LY96: variants seen among roughly 807,000 people sequenced by gnomAD.
The protein encoded by LY96 is myeloid differentiation protein-2.
In LY96, 18 loss-of-function variants were observed where a neutral mutation model predicts 18.9. The observed-to-expected ratio is 0.95, with a 90% CI of 0.66 to 1.41. The LOEUF (loss-of-function observed/expected upper bound fraction) is 1.41, where lower values mean the gene tolerates loss of function less well. Among genes scored for constraint, LY96 ranks in the 40% most tolerant of loss-of-function variants. The probability of loss-of-function intolerance (pLI) is 0.00; values close to 1 mark genes in which losing one functional copy is unlikely to be tolerated. For missense variants in LY96, 175 were observed against 182.4 expected, an observed-to-expected ratio of 0.96 and a Z score of 0.23; for synonymous variants, 66 against 62.6, an observed-to-expected ratio of 1.06 and a Z score of -0.26.
chr8:74,028,805 C>T (rs1816920029), intron 4 of LY96, 151 bp from the exon 5 acceptor site: 3 of 531,766 alleles, frequency 5.6e-6, no homozygotes, highest in Admixed American at 3.4e-5. Flanking sequence ...TCATTTAATT[C>T]AAAGACATGG....
the LY96 span, among the ~76,000 whole-genome samples, chr8:74,053,771 T>C: frequency 5.3e-5 from 8 of 152,280 alleles, no homozygotes; most frequent in South Asian, 1.7e-3. Context: ...GAATTCATAG[T>C]TTGATTGGAG....
chr8:74,079,235 C>T, the LY96 span, among the ~76,000 whole-genome samples: 1 of 152,206 alleles, frequency 6.6e-6, no homozygotes, highest in Non-Finnish European at 1.5e-5. Flanking sequence ...TGCCCTCACA[C>T]TCAGGCTGGA....
At chr8:74,083,251 G>T in the LY96 span, among the ~76,000 whole-genome samples, 1 of 151,918 alleles carries the variant, frequency 6.6e-6, no homozygotes, top group Admixed American at 6.6e-5. Context: ...GTCTTGTTCT[G>T]TTGCCCAGGC....
At chr8:74,069,000 G>A in the LY96 span, among the ~76,000 whole-genome samples, 36 of 152,172 alleles carry the variant, frequency 2.4e-4, no homozygotes, top group Admixed American at 1.6e-3. Context: ...TCACCACGTT[G>A]GTCTCAAACT....
intron 1 of LY96, among the ~76,000 whole-genome samples, 189 bp downstream of exon 1, chr8:73,991,743 G>C (rs1385611827): frequency 2.0e-5 from 3 of 152,134 alleles, no homozygotes. Context: ...ACCACTCACA[G>C]AGCTTGTGAG....
chr8:74,075,622 T>C, the LY96 span, among the ~76,000 whole-genome samples: 5 of 152,224 alleles, frequency 3.3e-5, no homozygotes, highest in African/African-American at 1.2e-4. Context: ...TGTATCGATA[T>C]AGTTTACCTA....
the LY96 span, among the ~76,000 whole-genome samples, chr8:74,092,906 A>G: frequency 6.6e-6 from 1 of 152,168 alleles, no homozygotes; most frequent in African/African-American, 2.4e-5. Context: ...GTTTCAATCC[A>G]TCCTCTGAAC....
intron 1 of LY96, among the ~76,000 whole-genome samples, chr8:74,004,240 A>C (rs1387630160): frequency 6.6e-6 from 1 of 152,174 alleles, no homozygotes; most frequent in Non-Finnish European, 1.5e-5. Flanking sequence ...AATGATGCCT[A>C]TCTGCCCAAG....
chr8:73,999,676 C>A (rs1816223823), intron 1 of LY96, among the ~76,000 whole-genome samples: 1 of 152,026 alleles, frequency 6.6e-6, no homozygotes, highest in African/African-American at 2.4e-5. Flanking sequence ...TTTTTATTTT[C>A]TTTAAAATTT....
the LY96 span, among the ~76,000 whole-genome samples, chr8:74,051,122 A>G: frequency 6.6e-6 from 1 of 152,246 alleles, no homozygotes; most frequent in African/African-American, 2.4e-5. Flanking sequence ...GCCAATGGGC[A>G]GAAGACACAT....
the LY96 span, among the ~76,000 whole-genome samples, chr8:74,044,378 A>T: frequency 6.6e-6 from 1 of 152,120 alleles, no homozygotes; most frequent in East Asian, 1.9e-4. Flanking sequence ...TTTTGTAGAA[A>T]TGGGGTCTTA....
chr8:74,078,460 A>G, the LY96 span, among the ~76,000 whole-genome samples: 1 of 152,168 alleles, frequency 6.6e-6, no homozygotes, highest in African/African-American at 2.4e-5. Flanking sequence ...TCACCACCCC[A>G]TGTTATTATT....
At chr8:74,037,931 G>A in the LY96 span, among the ~76,000 whole-genome samples, 1 of 152,136 alleles carries the variant, frequency 6.6e-6, no homozygotes, top group Non-Finnish European at 1.5e-5. Context: ...AATAGTTGCA[G>A]GGTTAACTTA....
the LY96 span, among the ~76,000 whole-genome samples, chr8:74,071,354 T>C: frequency 0.085 from 12,936 of 151,962 alleles, 959 homozygotes; most frequent in African/African-American, 0.21. Context: ...TTCCAAATAG[T>C]TCTTCTTCTT....
the LY96 span, among the ~76,000 whole-genome samples, chr8:74,073,833 T>C: frequency 6.6e-6 from 1 of 151,454 alleles, no homozygotes; most frequent in Non-Finnish European, 1.5e-5. Flanking sequence ...AATATTTGTA[T>C]TTTTAGTAGA....
the LY96 span, among the ~76,000 whole-genome samples, chr8:74,096,552 T>G: frequency 5.9e-5 from 9 of 151,946 alleles, no homozygotes; most frequent in Non-Finnish European, 1.3e-4. Flanking sequence ...ATTGCAACCC[T>G]CTCCCTCCAG....
the LY96 span, among the ~76,000 whole-genome samples, chr8:74,095,433 C>T: frequency 2.9e-3 from 442 of 152,286 alleles, no homozygotes; most frequent in African/African-American, 0.01. Flanking sequence ...ATGCCAGCCA[C>T]GGTGCCCCTT....
chr8:74,046,316 A>G, the LY96 span, among the ~76,000 whole-genome samples: 3 of 152,128 alleles, frequency 2.0e-5, no homozygotes, highest in African/African-American at 4.8e-5. Flanking sequence ...AGTGACCAAG[A>G]ATCTGACAGT....
chr8:74,028,365 G>A (rs967322441), intron 4 of LY96, among the ~76,000 whole-genome samples: 2 of 152,036 alleles, frequency 1.3e-5, no homozygotes, highest in African/African-American at 4.8e-5. Context: ...TTGAATGCAA[G>A]TGCTCATTAC....
Sources: gnomAD v4.1 joint callset for allele counts (sites outside exome capture counted in the v4.1 genomes callset) on GRCh38, gnomAD v4.1.1 for gene constraint, MANE v1.5 for transcripts, NCBI Gene and HGNC (gene_info 2026-07-23, HGNC 2026-07-21) for gene names.